The following TULP4 variants were observed in gnomAD, a reference collection of about 807,000 sequenced individuals.
TULP4 encodes tubby-related protein 4.
A neutral mutation model predicts 129.0 loss-of-function variants in TULP4; 16 were observed. The observed-to-expected ratio is 0.12, with a 90% confidence interval of 0.08 to 0.19. The LOEUF is 0.19. Ranked by LOEUF, TULP4 falls within the 10% of genes least tolerant of loss-of-function variation. The pLI is 1.00. For synonymous variants in TULP4, 998 were observed against 854.0 expected (o/e 1.17, Z -2.94); for missense variants, 1,842 against 2,059.1 (o/e 0.89, Z 2.04).
At chr6:158,498,555 C>G in intron 11 of TULP4, 114 bp from the exon 12 acceptor site, 1 of 1,340,446 alleles carries the variant, frequency 7.5e-7, no homozygotes. Context: ...CTACACAGAT[C>G]TGTCTTCTGA....
intron 1 of TULP4, among the ~76,000 whole-genome samples, chr6:158,333,208 C>T (rs1294906081): frequency 6.6e-6 from 1 of 152,208 alleles, no homozygotes; most frequent in Non-Finnish European, 1.5e-5. Context: ...GAAGCCCTAA[C>T]CTCCAATGTG....
intron 8 of TULP4, among the ~76,000 whole-genome samples, chr6:158,485,838 G>A (rs1175965022): frequency 2.0e-5 from 3 of 152,216 alleles, no homozygotes; most frequent in Non-Finnish European, 4.4e-5. Context: ...TACTTCCAGT[G>A]TCTCCTTTTT....
At chr6:158,381,797 A>G (rs533579397) in intron 1 of TULP4, among the ~76,000 whole-genome samples, 6 of 152,356 alleles carry the variant, frequency 3.9e-5, no homozygotes, top group Admixed American at 3.9e-4. Context: ...AGCTCAAATT[A>G]TGAATACATA....
intron 3 of TULP4, among the ~76,000 whole-genome samples, chr6:158,433,210 A>G (rs1201453828): frequency 6.6e-6 from 1 of 152,132 alleles, no homozygotes; most frequent in African/African-American, 2.4e-5. Context: ...CCCACACTCT[A>G]GATTTGTCTG....
At position 158,509,497 on chromosome 6, in the gene TULP4, C is replaced by T. The variant is rs1484318894; in HGVS notation, c.*2803C>T. On this transcript the variant is annotated 3_prime_UTR_variant, in exon 14 of 14. Coordinates refer to ENST00000367097, the MANE Select transcript of TULP4 (RefSeq NM_020245.5). ...TTGAGATATAAAGACCCTGAAAAAG[C>T]CCATTTTAGAACCTGTTTAATAAGA... 1 of 152,014 alleles carries T rather than the reference C, an allele frequency of 6.6e-6. No individual in the cohort carries two copies. Among genetic ancestry groups the T allele is most frequent in the Non-Finnish European group, 1.5e-5 (1 of 68,004 alleles). The allele number at this position is 152,014 out of a possible 1,614,324, so 9.4% of individuals were successfully genotyped here.
intron 2 of TULP4, among the ~76,000 whole-genome samples, chr6:158,421,075 T>C (rs936508953): frequency 2.0e-5 from 3 of 151,930 alleles, no homozygotes; most frequent in Admixed American, 1.3e-4. Flanking sequence ...AAGAAATGCA[T>C]TGGTGGCCGG....
At position 158,397,733 on chromosome 6, in the gene TULP4, C is replaced by G. The variant is rs74658743; in HGVS notation, c.253-15332C>G. On this transcript the variant is annotated intron_variant, in intron 1 of 13. Transcript: ENST00000367097. ...AGTGTAGAACAGAGCCTCAGCCGGC[C>G]CACGTGGCCGTGAAGCATGATTAAA... 1.2e-3 allele frequency among the ~76,000 whole-genome samples: 188 copies of G among 152,272 alleles called. 4 individuals are homozygous for G. The East Asian group carries it at 0.032, about 26-fold the overall frequency.
intron 1 of TULP4, among the ~76,000 whole-genome samples, chr6:158,264,790 C>T (rs1323449948): frequency 1.3e-5 from 2 of 152,156 alleles, no homozygotes; most frequent in African/African-American, 2.4e-5. Context: ...TTCTCCATGC[C>T]TCTAAGTTCT....
chr6:158,426,848 G>C (rs1299566772), intron 2 of TULP4, among the ~76,000 whole-genome samples: 1 of 152,084 alleles, frequency 6.6e-6, no homozygotes, highest in Non-Finnish European at 1.5e-5. Context: ...CTTCCTATCC[G>C]TGAGCATGTA....
rs145802610 is a variant in TULP4, at chr6:158,384,028, G to A, written c.253-29037G>A. On this transcript the variant is annotated intron_variant, in intron 1 of 13. Coordinates refer to ENST00000367097, the MANE Select transcript of TULP4 (RefSeq NM_020245.5). ...TCCCAAGACTGTGGCTAGAGGAGGT[G>A]AATCTATCTGTGACTGCCCAGTCAG... 5.3e-4 allele frequency among the ~76,000 whole-genome samples: 81 copies of A among 152,300 alleles called. 1 individual carries two copies. The highest frequency in any genetic ancestry group is 1.8e-3 in the African/African-American group (75 of 41,568).
At chr6:158,485,611 C>G (rs1286738265) in intron 8 of TULP4, among the ~76,000 whole-genome samples, 1 of 152,240 alleles carries the variant, frequency 6.6e-6, no homozygotes, top group Non-Finnish European at 1.5e-5. Context: ...TTAGGTCCAC[C>G]TCCTCAGTTT....
At chr6:158,489,008 G>A (rs1780133112) in intron 8 of TULP4, among the ~76,000 whole-genome samples, 1 of 152,154 alleles carries the variant, frequency 6.6e-6, no homozygotes, top group Non-Finnish European at 1.5e-5. Context: ...CACCGCACAG[G>A]TTTCCTAGCC....
At chr6:158,390,155 A>G (rs1167515956) in intron 1 of TULP4, among the ~76,000 whole-genome samples, 1 of 152,196 alleles carries the variant, frequency 6.6e-6, no homozygotes, top group Non-Finnish European at 1.5e-5. Flanking sequence ...ATAAAATGAT[A>G]TAACTTCTCT....
chr6:158,307,354 T>C (rs769790969), intron 1 of TULP4, among the ~76,000 whole-genome samples: 2 of 152,240 alleles, frequency 1.3e-5, no homozygotes, highest in African/African-American at 2.4e-5. Flanking sequence ...TTTTCTTTGA[T>C]AACCACACTA....
chr6:158,473,627 T>G (rs1047655933), intron 6 of TULP4, among the ~76,000 whole-genome samples: 4 of 152,200 alleles, frequency 2.6e-5, no homozygotes, highest in Admixed American at 1.3e-4. Flanking sequence ...CAAGTGATTC[T>G]CCTGCCTCAG....
At chr6:158,361,106 T>C (rs1477922884) in intron 1 of TULP4, among the ~76,000 whole-genome samples, 1 of 152,214 alleles carries the variant, frequency 6.6e-6, no homozygotes, top group Non-Finnish European at 1.5e-5. Context: ...CATCTTGGAT[T>C]TATCACAATA....
At chr6:158,505,068 G>T (rs1303874111) in intron 13 of TULP4, among the ~76,000 whole-genome samples, 1 of 152,092 alleles carries the variant, frequency 6.6e-6, no homozygotes, top group Non-Finnish European at 1.5e-5. Flanking sequence ...CCTGTTATCT[G>T]TCTGTTTGCT....
At chr6:158,315,413 T>C (rs1306566288) in intron 1 of TULP4, among the ~76,000 whole-genome samples, 1 of 152,138 alleles carries the variant, frequency 6.6e-6, no homozygotes, top group Non-Finnish European at 1.5e-5. Flanking sequence ...TACCTCTTAT[T>C]ACCATCACCT....
At chr6:158,329,999 G>A (rs555846961) in intron 1 of TULP4, among the ~76,000 whole-genome samples, 1 of 147,620 alleles carries the variant, frequency 6.8e-6, no homozygotes, top group African/African-American at 2.5e-5. Context: ...AACCACATAT[G>A]TAATATTAAA....
Sources: allele counts gnomAD v4.1 joint callset (sites outside exome capture counted in the v4.1 genomes callset), GRCh38; gene constraint gnomAD v4.1.1; transcripts MANE v1.5; gene names NCBI Gene and HGNC (gene_info 2026-07-23, HGNC 2026-07-21).